The following SSRP1 variants were observed in gnomAD, a reference collection of about 807,000 sequenced individuals.
The protein encoded by SSRP1 is structure specific recognition protein 1.
SSRP1 carries 21 observed loss-of-function variants against 84.4 expected under a neutral mutation model. That is an observed-to-expected ratio of 0.25 (90% CI 0.18 to 0.36). The LOEUF (loss-of-function observed/expected upper bound fraction) is 0.36. Ranked by LOEUF, SSRP1 falls within the 10% of genes least tolerant of loss-of-function variation. The probability of loss-of-function intolerance (pLI) is 1.00; values close to 1 mark genes in which losing one functional copy is unlikely to be tolerated. For synonymous variants in SSRP1, 319 were observed against 318.3 expected, an observed-to-expected ratio of 1.00 and a Z score of -0.02; for missense variants, 519 against 900.8, an observed-to-expected ratio of 0.58 and a Z score of 5.43.
In SSRP1 at chr11:57,332,191, A is replaced by C. The variant is rs1417468897; in HGVS notation, c.962T>G (p.Leu321Arg). 5 of 1,613,946 alleles carry C rather than the reference A, an allele frequency of 3.1e-6. No homozygotes were observed. Among genetic ancestry groups the C allele is most frequent in the Non-Finnish European group, 4.2e-6 (5 of 1,179,994 alleles). ...TGGCACTGTGATCTTGCGGTTTACC[A>C]GTGCTTTCATGACCCGGCTGACCAT... ...YEMVSRVMKALVNRKITVPGN... is the reference protein window; with the variant it reads ...YEMVSRVMKARVNRKITVPGN... The change falls in exon 8 of 17, where the codon CTG becomes CGG. Residue 321 changes from leucine to arginine, a missense_variant. Transcript: ENST00000278412. The surrounding 1 kb of genome is among the most constrained non-coding windows in gnomAD (Gnocchi z 5.5).
Position 57,327,478 on chromosome 11 carries a change from A to G in SSRP1, c.1819T>C (p.Tyr607His). Residue 607 changes from tyrosine (Y) to histidine (H), a missense_variant, in exon 15 of 17, where the codon TAT becomes CAT. This residue lies in a region of SSRP1 where 197 missense variants were observed against 265.0 expected (regional missense o/e 0.74). Coordinates refer to ENST00000278412, the MANE Select transcript of SSRP1 (RefSeq NM_003146.3). ...DRKAEDARRD[Y>H]EKAMKEYEGG... ...TCATATTCTTTCATGGCTTTTTCAT[A>G]GTCCCTCCTGGCATCCTCAGCCTTG... 1.9e-6 allele frequency: 3 copies of G among 1,613,998 alleles called. 1 individual carries two copies. Among genetic ancestry groups the G allele is most frequent in the Non-Finnish European group, 2.5e-6 (3 of 1,180,022 alleles).
At chr11:57,328,572 A>C in intron 12 of SSRP1, 146 bp from the exon 13 acceptor site, 2 of 1,139,370 alleles carry the variant, frequency 1.8e-6, no homozygotes, top group Non-Finnish European at 1.2e-6. Context: ...CCAATCCCCA[A>C]CACTGCTTTC....
chr11:57,330,737 T>C lies in SSRP1; in HGVS notation c.1296+118A>G. The stretch of plus-strand genomic sequence containing the variant: ...GGGGGAAAGGGTCACACGCACCTCT[T>C]TTTTCTATAAGGGTAAGAAGAGAAG... On this transcript the variant is annotated intron_variant, in intron 10 of 16. Coordinates refer to ENST00000278412, the MANE Select transcript of SSRP1 (RefSeq NM_003146.3). This position sits in a 1 kb window ranked among gnomAD's most constrained non-coding sequence, Gnocchi z 4.0. 1.3e-6 allele frequency: 2 copies of C among 1,548,354 alleles called. No individual in the cohort carries two copies. Among genetic ancestry groups the C allele is most frequent in the Non-Finnish European group, 1.7e-6 (2 of 1,146,258 alleles).
intron 13 of SSRP1, 76 bp downstream of exon 13, chr11:57,328,221 G>T: frequency 6.4e-7 from 1 of 1,569,268 alleles, no homozygotes; most frequent in South Asian, 1.2e-5. Context: ...TGGTGGACAG[G>T]AGAAGGTAAA....
intron 15 of SSRP1, 121 bp downstream of exon 15, chr11:57,327,305 A>C: frequency 9.8e-7 from 1 of 1,023,878 alleles, no homozygotes; most frequent in Non-Finnish European, 1.5e-6. Flanking sequence ...GAGAAGCACT[A>C]CCCTACTGCA....
rs1216635565 is a variant in SSRP1, at chr11:57,326,772, T to C, written c.1989A>G (p.Lys663=). The change falls in exon 16 of 17, where the codon AAA becomes AAG. Residue 663 remains lysine, a synonymous_variant. Coordinates refer to ENST00000278412, the MANE Select transcript of SSRP1 (RefSeq NM_003146.3). ...SRQLSESFKS[K]EFVSSDESSS... is the part of the protein sequence containing the mutation. ...AGCTCTCATCACTAGACACAAACTC[T>C]TTGCTCTTGAAGCTCTCGCTTAGCT... 1 of 1,614,250 alleles carries C rather than the reference T, an allele frequency of 6.2e-7. No homozygotes were observed. Among genetic ancestry groups the C allele is most frequent in the African/African-American group, 1.3e-5 (1 of 75,070 alleles).
Position 57,326,834 on chromosome 11 carries a change from G to C in SSRP1, c.1927C>G (p.Pro643Ala), listed in dbSNP as rs191760277. 1.2e-6 allele frequency: 2 copies of C among 1,614,112 alleles called. No homozygotes were observed. Among genetic ancestry groups the C allele is most frequent in the Non-Finnish European group, 1.7e-6 (2 of 1,180,002 alleles). Reference protein sequence around the residue: ...VKVKMEKKSTPSRGSSSKSSS... With the variant: ...VKVKMEKKSTASRGSSSKSSS... ...GACTTGGATGATGAGCCCCTAGAGG[G>C]CGTGGATTTCTTTTCCATCTTTACC... Residue 643 changes from proline to alanine, a missense_variant, in exon 16 of 17, where the codon CCC (proline) becomes GCC (alanine). Physicochemically the swap from Pro to Ala is conservative, Grantham distance 27 (BLOSUM62 -1). Transcript: ENST00000278412.
rs371711939 is a variant in SSRP1 at position 57,330,071 on chromosome 11, A to G, written c.1481+22T>C. On this transcript the variant is annotated intron_variant, in intron 12 of 16. Coordinates refer to ENST00000278412, the MANE Select transcript of SSRP1 (RefSeq NM_003146.3). The surrounding 1 kb of genome is among the most constrained non-coding windows in gnomAD (Gnocchi z 4.0). ...GCTTATGGGTCACCATCTTATCCCC[A>G]CAAGGTACCACCAAAACTCACTCCT... is the stretch of plus-strand genomic sequence containing the variant. 1.2e-6 allele frequency: 2 copies of G among 1,613,998 alleles called. No individual in the cohort carries two copies. The highest frequency in any genetic ancestry group is 2.7e-5 in the African/African-American group (2 of 74,912).
rs1263859557 is a variant in SSRP1 at position 57,326,415 on chromosome 11, C to T, written c.2122G>A (p.Asp708Asn). 2 of 1,614,154 alleles carry T rather than the reference C, an allele frequency of 1.2e-6. No homozygotes were observed. Among genetic ancestry groups the T allele is most frequent in the Admixed American group, 1.7e-5 (1 of 60,024 alleles). Residue 708 changes from aspartate (D) to asparagine (N), a missense_variant, in exon 17 of 17, where the codon GAT becomes AAT. Physicochemically the swap from Asp to Asn is conservative, Grantham distance 23. Coordinates refer to ENST00000278412, the MANE Select transcript of SSRP1 (RefSeq NM_003146.3). ...PSSEDSASGS[D>N]E is the part of the protein sequence containing the mutation. ...AGAACCTTCCTCCGTTTCTACTCAT[C>T]GGATCCTGACGCTGAGTCCTCTGAG...
Position 57,328,359 on chromosome 11 carries a change from G to A in SSRP1, c.1549C>T (p.Arg517Trp), listed in dbSNP as rs372798116. 23 of 1,614,106 alleles carry A rather than the reference G, an allele frequency of 1.4e-5. No individual in the cohort carries two copies. In the South Asian group the frequency reaches 1.6e-4, roughly 12 times the overall value. The change falls in exon 13 of 17, where the codon CGG becomes TGG. Residue 517 changes from arginine (R) to tryptophan (W), a missense_variant. Arg to Trp is a moderately radical substitution (Grantham distance 101). Transcript: ENST00000278412. ...EGDSDRDEKK[R>W]KQLKKAKMAK... ...ATCTTGGCCTTTTTGAGCTGTTTCC[G>A]CTTCTTCTCATCCCGGTCACTGTCA...
At position 57,335,867 on chromosome 11, in the gene SSRP1, G is replaced by T. The variant is rs1177788424; in HGVS notation, c.-257C>A. 1 of 152,310 alleles carries T rather than the reference G, an allele frequency of 6.6e-6. No homozygotes were observed. Among genetic ancestry groups the T allele is most frequent in the Admixed American group, 6.5e-5 (1 of 15,278 alleles). The allele number at this position is 152,310 out of a possible 1,614,324, so 9.4% of individuals were successfully genotyped here. A position where few individuals can be genotyped will look rare whatever the true frequency, so the allele number is the denominator to read the frequency against. ...GTGCGCGGCCCCGCGTCCCGCCACC[G>T]GAAGCCGTACACAGGCCACAGAGAG... On this transcript the variant is annotated 5_prime_UTR_variant, in exon 1 of 17. Transcript: ENST00000278412. This position sits in a 1 kb window ranked among gnomAD's most constrained non-coding sequence, Gnocchi z 4.6.
At position 57,332,712 on chromosome 11, in the gene SSRP1, G is replaced by C. The variant is rs140218207; in HGVS notation, c.681C>G (p.Gly227=). Residue 227 remains glycine (G), a synonymous_variant, in exon 6 of 17, where the codon GGC becomes GGG. Coordinates refer to ENST00000278412, the MANE Select transcript of SSRP1 (RefSeq NM_003146.3). The surrounding 1 kb of genome is among the most constrained non-coding windows in gnomAD (Gnocchi z 5.5). ...RIYPTFLHLH[G]KTFDYKIPYT... ...AGGGGATCTTGTAGTCAAAGGTCTT[G>C]CCATGCAGGTGCAGAAAGGTGGGGT... 3.1e-6 allele frequency: 5 copies of C among 1,614,074 alleles called. No individual in the cohort carries two copies. Among genetic ancestry groups the C allele is most frequent in the Non-Finnish European group, 4.2e-6 (5 of 1,180,002 alleles).
In SSRP1 at chr11:57,334,488, T is replaced by C. The variant is rs1856165151; in HGVS notation, c.215A>G (p.Tyr72Cys). 6.2e-7 allele frequency: 1 copy of C among 1,614,138 alleles called. No homozygotes were observed. Residue 72 changes from tyrosine to cysteine, a missense_variant, in exon 3 of 17, where the codon TAC (tyrosine) becomes TGC (cysteine). By Grantham distance (194) the Tyr-to-Cys change is radical. Around this residue, in one of 7 missense-constraint regions of SSRP1, gnomAD observed 88 missense variants for 122.0 expected, o/e 0.72. Coordinates refer to ENST00000278412, the MANE Select transcript of SSRP1 (RefSeq NM_003146.3). ...CGATTCTCGGAAGCCATCATACTTG[T>C]AGACATGGCCATTCTTTGTAAGCAG... ...LKLLTKNGHV[Y>C]KYDGFRESEF... is the part of the protein sequence containing the mutation.
intron 15 of SSRP1, chr11:57,327,094 G>C: frequency 1.0e-6 from 1 of 973,504 alleles, no homozygotes; most frequent in Non-Finnish European, 1.5e-6. Flanking sequence ...GCCTAAAGCA[G>C]CCCAATGTGC....
intron 3 of SSRP1, 50 bp from the exon 4 acceptor site, chr11:57,333,590 A>T: frequency 7.5e-7 from 1 of 1,333,762 alleles, no homozygotes; most frequent in Non-Finnish European, 1.1e-6. Flanking sequence ...TGGTGGCCTT[A>T]ACACCGACTT....
Position 57,330,973 on chromosome 11 carries a change from C to T in SSRP1, c.1224-46G>A. ...TGTTACCAGAGAGGTAGTGCCAACA[C>T]AGGGGCACACTAAACAATGTTCTGA... On this transcript the variant is annotated intron_variant, in intron 9 of 16. Coordinates refer to ENST00000278412, the MANE Select transcript of SSRP1 (RefSeq NM_003146.3). This position sits in a 1 kb window ranked among gnomAD's most constrained non-coding sequence, Gnocchi z 4.0. 13 of 1,589,046 alleles carry T rather than the reference C, an allele frequency of 8.2e-6. No homozygotes were observed. Among genetic ancestry groups the T allele is most frequent in the Non-Finnish European group, 1.1e-5 (13 of 1,157,352 alleles).
rs1010569652 is a variant in SSRP1, at chr11:57,330,572, G to A, written c.1297-143C>T. The A allele has an allele frequency of 5.5e-6, 8 of 1,443,830 alleles. No homozygotes were observed. The highest frequency in any genetic ancestry group is 4.3e-5 in the African/African-American group (3 of 70,326). The allele number at this position is 1,443,830 out of a possible 1,614,324, so 89.4% of individuals were successfully genotyped here. ...GCTGGATTGTCCACACACAGCCAAC[G>A]TGCAGGGCCTATGCCCAAGTACTTC... On this transcript the variant is annotated intron_variant, in intron 10 of 16. Transcript: ENST00000278412. This position sits in a 1 kb window ranked among gnomAD's most constrained non-coding sequence, Gnocchi z 4.0.
chr11:57,326,220 A>G lies in SSRP1; in HGVS notation c.*187T>C. ...ATCTCTCCCCAAATTATAAACAGCC[A>G]TCCTTGGGAAGCAGCAGAGTTAAGA... On this transcript the variant is annotated 3_prime_UTR_variant, in exon 17 of 17. Transcript: ENST00000278412. 1 of 616,740 alleles carries G rather than the reference A, an allele frequency of 1.6e-6. No individual in the cohort carries two copies. The highest frequency in any genetic ancestry group is 2.8e-5 in the East Asian group (1 of 36,276). The allele number at this position is 616,740 out of a possible 1,614,324, so 38.2% of individuals were successfully genotyped here. A position where few individuals can be genotyped will look rare whatever the true frequency, so the allele number is the denominator to read the frequency against.
intron 3 of SSRP1, 139 bp downstream of exon 3, chr11:57,334,324 C>T: frequency 1.1e-6 from 1 of 916,210 alleles, no homozygotes; most frequent in East Asian, 2.4e-5. Flanking sequence ...ACACTGATTG[C>T]CTGATGGCCT....
Sources: gnomAD v4.1 joint callset for allele counts on GRCh38, gnomAD v4.1.1 for gene constraint, gnomAD v4.1.1 regional missense constraint, Gnocchi (gnomAD v3.1) non-coding constraint, MANE v1.5 for transcripts, NCBI Gene and HGNC (gene_info 2026-07-23, HGNC 2026-07-21) for gene names.